ATAT1: variants seen among roughly 807,000 people sequenced by gnomAD.
ATAT1 encodes the protein alpha tubulin acetyltransferase 1, also known as alpha-tubulin N-acetyltransferase 1.
Under a neutral mutation model 57.2 loss-of-function variants are expected in ATAT1, and 42 were observed. The observed-to-expected ratio is 0.73, with a 90% confidence interval of 0.57 to 0.95. The LOEUF (loss-of-function observed/expected upper bound fraction) is 0.95, where lower values mean the gene tolerates loss of function less well. Ranked by LOEUF, ATAT1 falls within the 40% of genes least tolerant of loss-of-function variation. The pLI is 0.00. For synonymous variants in ATAT1, 168 were observed against 187.1 expected, an observed-to-expected ratio of 0.90 and a Z score of 0.83; for missense variants, 454 against 523.7, an observed-to-expected ratio of 0.87 and a Z score of 1.30.
At chr6:30,640,904 C>T (rs1765270797) in intron 8 of ATAT1, among the ~76,000 whole-genome samples, 2 of 152,210 alleles carry the variant, frequency 1.3e-5, no homozygotes, top group South Asian at 4.1e-4. Flanking sequence ...CCCCAGGCTT[C>T]TGTTAGCCAG....
chr6:30,628,345 C>T lies in ATAT1; in HGVS notation c.416C>T (p.Pro139Leu), dbSNP rs775268549. The change falls in exon 6 of 13, where the codon CCG becomes CTG. Residue 139 changes from proline (P) to leucine (L), a missense_variant. By Grantham distance (98) the Pro-to-Leu change is moderately conservative (BLOSUM62 -3). Transcript: ENST00000330083. The stretch of plus-strand genomic sequence containing the variant: ...TCCCTGCAGAAGGAGCGAGTGGAAC[C>T]GCACCAACTGGCAATTGACCGACCC... The T allele has an allele frequency of 1.2e-5, 20 of 1,612,902 alleles. No individual in the cohort carries two copies. In the East Asian group the frequency reaches 1.6e-4, roughly 13 times the overall value.
intron 6 of ATAT1, among the ~76,000 whole-genome samples, chr6:30,638,025 C>T (rs1040422847): frequency 2.6e-5 from 4 of 152,024 alleles, no homozygotes; most frequent in African/African-American, 9.7e-5. Context: ...CTACAGGCGC[C>T]CACCACTATG....
At chr6:30,641,301 G>A (rs1488799668) in intron 8 of ATAT1, among the ~76,000 whole-genome samples, 4 of 152,180 alleles carry the variant, frequency 2.6e-5, no homozygotes, top group Admixed American at 1.3e-4. Context: ...ACAGCAGTCT[G>A]TAACCAGCTA....
At chr6:30,627,776 A>G in intron 3 of ATAT1, 49 bp downstream of exon 3, 1 of 1,605,380 alleles carries the variant, frequency 6.2e-7, no homozygotes, top group Non-Finnish European at 8.5e-7. Context: ...TTCCTTCCTC[A>G]GCCCTTCCCC....
At chr6:30,633,738 C>T (rs567273605) in intron 6 of ATAT1, 10 of 205,722 alleles carry the variant, frequency 4.9e-5, no homozygotes, top group Non-Finnish European at 1.0e-4. Context: ...CTAACGGGAA[C>T]GCTAATGAGG....
chr6:30,645,935 A>T lies in ATAT1; in HGVS notation c.973A>T (p.Ser325Cys). ...TCTGGTAGCCCAAAGCTGCTGCTAC[A>T]GCCGCCATGGGGGGGTGAATTCCTC... is the stretch of plus-strand genomic sequence containing the variant. The change falls in exon 11 of 13, where the codon AGC (serine) becomes TGC (cysteine). Residue 325 changes from serine (S) to cysteine (C), a missense_variant. Ser to Cys is a moderately radical substitution (Grantham distance 112). Transcript: ENST00000330083. The T allele has an allele frequency of 6.5e-7, 1 of 1,527,972 alleles. No homozygotes were observed. Among genetic ancestry groups the T allele is most frequent in the East Asian group, 2.3e-5 (1 of 43,142 alleles). The allele number at this position is 1,527,972 out of a possible 1,614,324, so 94.7% of individuals were successfully genotyped here. A position where few individuals can be genotyped will look rare whatever the true frequency, so the allele number is the denominator to read the frequency against.
intron 6 of ATAT1, among the ~76,000 whole-genome samples, chr6:30,630,919 C>G (rs1024293648): frequency 6.7e-6 from 1 of 148,182 alleles, no homozygotes; most frequent in Non-Finnish European, 1.5e-5. Flanking sequence ...CCCTGGGGGA[C>G]GAAGCGAGAC....
In ATAT1 at chr6:30,646,677, T is replaced by C. The variant is rs753783478; in HGVS notation, c.*34T>C. 2 of 1,510,026 alleles carry C rather than the reference T, an allele frequency of 1.3e-6. No homozygotes were observed. The allele number at this position is 1,510,026 out of a possible 1,614,324, so 93.5% of individuals were successfully genotyped here. On this transcript the variant is annotated 3_prime_UTR_variant, in exon 13 of 13. Coordinates refer to ENST00000330083, the MANE Select transcript of ATAT1 (RefSeq NM_001031722.4). ...CCGTCAAACATCTTCAAAGTATTAT[T>C]TCTCCCTCACTACAGGAAAGAGCCA... is the stretch of plus-strand genomic sequence containing the variant.
At chr6:30,627,754 A>G (rs759787115) in intron 3 of ATAT1, 27 bp downstream of exon 3, 4 of 1,607,600 alleles carry the variant, frequency 2.5e-6, no homozygotes, top group Non-Finnish European at 3.4e-6. Flanking sequence ...CTTCCATCCC[A>G]TACTTAATTC....
chr6:30,628,873 G>T (rs1012647128), intron 6 of ATAT1, among the ~76,000 whole-genome samples: 1 of 151,044 alleles, frequency 6.6e-6, no homozygotes, highest in Admixed American at 6.6e-5. Flanking sequence ...AAAATGCTGG[G>T]ATTACAGGTG....
intron 9 of ATAT1, 88 bp downstream of exon 9, chr6:30,642,335 TTCTC>T (rs1167025735): frequency 5.8e-5 from 91 of 1,568,792 alleles, no homozygotes; most frequent in Non-Finnish European, 7.4e-5. Context: ...AAAGGATTCG[TTCTC>T]TCTAAAGACT....
intron 9 of ATAT1, 43 bp from the exon 10 acceptor site, chr6:30,642,721 CTTTT>C (rs752027480): frequency 7.9e-7 from 1 of 1,263,628 alleles, no homozygotes; most frequent in Admixed American, 1.7e-5. Flanking sequence ...GACTCTCTTC[CTTTT>C]TTCTTCTTTT....
At chr6:30,643,901 A>C in intron 10 of ATAT1, 1 of 1,201,668 alleles carries the variant, frequency 8.3e-7, no homozygotes, top group Admixed American at 3.9e-5. Context: ...ACTTTAGACC[A>C]CCATGGAAGG....
chr6:30,641,647 CTTTT>C, intron 8 of ATAT1: 2 of 359,962 alleles, frequency 5.6e-6, no homozygotes, highest in Non-Finnish European at 7.6e-6. Context: ...TATTTATTTT[CTTTT>C]TTTTTTTTAA....
In ATAT1 at chr6:30,627,219, C is replaced by A. The variant is rs375241746; in HGVS notation, c.16C>A (p.Pro6Thr). 14 of 1,613,830 alleles carry A rather than the reference C, an allele frequency of 8.7e-6. No individual in the cohort carries two copies. The highest frequency in any genetic ancestry group is 4.5e-5 in the East Asian group (2 of 44,886). The change falls in exon 1 of 13, where the codon CCT becomes ACT. Residue 6 changes from proline to threonine, a missense_variant. Physicochemically the swap from Pro to Thr is conservative, Grantham distance 38. This residue lies in a region of ATAT1 where 236 missense variants were observed against 284.5 expected (regional missense o/e 0.83). Coordinates refer to ENST00000330083, the MANE Select transcript of ATAT1 (RefSeq NM_001031722.4). ...CAATCAAAGGATGTGGTTGACCTGGCCTTTCTGCTTCCTCACAATAACCTT... is the reference window on the plus strand; with the variant it reads ...CAATCAAAGGATGTGGTTGACCTGGACTTTCTGCTTCCTCACAATAACCTT...
At chr6:30,627,410 A>G in intron 1 of ATAT1, 50 bp from the exon 2 acceptor site, 1 of 1,603,036 alleles carries the variant, frequency 6.2e-7, no homozygotes, top group Non-Finnish European at 8.5e-7. Context: ...ACTGCCTAGG[A>G]CCCGCTAATT....
intron 2 of ATAT1, 56 bp downstream of exon 2, chr6:30,627,576 A>G: frequency 6.2e-7 from 1 of 1,606,732 alleles, no homozygotes; most frequent in East Asian, 2.2e-5. Flanking sequence ...GATGGTATAT[A>G]AGGGAGGCCT....
At chr6:30,643,532 C>T (rs1766001484) in intron 10 of ATAT1, 9 of 1,550,728 alleles carry the variant, frequency 5.8e-6, no homozygotes, top group Admixed American at 2.0e-5. Flanking sequence ...TCCACAGCTC[C>T]CTTCCCCGCT....
rs1033110962 is a variant in ATAT1 at position 30,627,905 on chromosome 6, T to C, written c.279T>C (p.Phe93=). 1 of 1,613,036 alleles carries C rather than the reference T, an allele frequency of 6.2e-7. No homozygotes were observed. The highest frequency in any genetic ancestry group is 8.5e-7 in the Non-Finnish European group (1 of 1,180,002). ...TCAAAGTTGGATACAAGAAGCTCTT[T>C]GTACTGGTGAGTGTTATTGGATGCT... Residue 93 remains phenylalanine, a synonymous_variant, in exon 4 of 13, where the codon TTT becomes TTC. Coordinates refer to ENST00000330083, the MANE Select transcript of ATAT1 (RefSeq NM_001031722.4).
Sources: gnomAD v4.1 joint callset for allele counts (sites outside exome capture counted in the v4.1 genomes callset) on GRCh38, gnomAD v4.1.1 for gene constraint, gnomAD v4.1.1 regional missense constraint, MANE v1.5 for transcripts, NCBI Gene and HGNC (gene_info 2026-07-23, HGNC 2026-07-21) for gene names.